ELMO1: variants seen among roughly 807,000 people sequenced by gnomAD.
ELMO1 encodes the protein engulfment and cell motility protein 1.
Under a neutral mutation model 98.9 loss-of-function variants are expected in ELMO1, and 26 were observed. The ratio of observed to expected loss-of-function variants is 0.26; its 90% confidence interval spans 0.19 to 0.36. The LOEUF is 0.36. Ranked by LOEUF, ELMO1 falls within the 10% of genes least tolerant of loss-of-function variation. The pLI, the probability that ELMO1 is intolerant of heterozygous loss-of-function variation, is 1.00. For missense variants in ELMO1, 627 were observed against 935.2 expected (o/e 0.67, Z 4.30); for synonymous variants, 346 against 346.0 (o/e 1.00, Z 0.00).
chr7:37,080,624 T>TTG (rs60662134), intron 15 of ELMO1, among the ~76,000 whole-genome samples: 64 of 144,944 alleles, frequency 4.4e-4, no homozygotes, highest in African/African-American at 1.5e-3. Flanking sequence ...TTTTTTTTTT[T>TTG]GTATTTTTAG....
At chr7:37,067,937 G>A (rs970909134) in intron 15 of ELMO1, among the ~76,000 whole-genome samples, 5 of 152,078 alleles carry the variant, frequency 3.3e-5, no homozygotes, top group African/African-American at 1.2e-4. Flanking sequence ...AAAACAGTTC[G>A]AACTCTGCTT....
chr7:37,052,668 A>G lies in ELMO1; in HGVS notation c.1301-39233T>C, dbSNP rs370033208. 3.9e-5 allele frequency among the ~76,000 whole-genome samples: 6 copies of G among 152,318 alleles called. 1 individual carries two copies. In the South Asian group the frequency reaches 1.0e-3, roughly 26 times the overall value. ...AAATCTCAAACCTCTTGCATAACTC[A>G]TCTTTCTTGAGAGAGAGGTCACTGA... is the stretch of plus-strand genomic sequence containing the variant. On this transcript the variant is annotated intron_variant, in intron 15 of 21. Coordinates refer to ENST00000310758, the MANE Select transcript of ELMO1 (RefSeq NM_014800.11).
chr7:37,427,368 T>C (rs1804752696), intron 1 of ELMO1, among the ~76,000 whole-genome samples: 1 of 152,244 alleles, frequency 6.6e-6, no homozygotes, highest in African/African-American at 2.4e-5. Context: ...GAAAAACACT[T>C]GCTTTAGAAC....
Position 37,044,955 on chromosome 7 carries a change from A to G in ELMO1, c.1301-31520T>C, listed in dbSNP as rs141958388. On this transcript the variant is annotated intron_variant, in intron 15 of 21. Transcript: ENST00000310758. ...TTAATTTCCACGCTAGGTGTTGCCT[A>G]TGTTTTGCTTAGATAAAGTGGCTAT... Among the ~76,000 whole-genome samples, 345 of 152,274 alleles carry G rather than the reference A, an allele frequency of 2.3e-3. 4 individuals are homozygous for G. Among genetic ancestry groups the G allele is most frequent in the African/African-American group, 8.0e-3 (333 of 41,538 alleles).
chr7:36,903,514 CT>C (rs1428478942), intron 16 of ELMO1, among the ~76,000 whole-genome samples: 1 of 152,184 alleles, frequency 6.6e-6, no homozygotes, highest in East Asian at 1.9e-4. Context: ...AAGAAATAGC[CT>C]CTAAAATCAG....
intron 14 of ELMO1, among the ~76,000 whole-genome samples, chr7:37,099,548 C>G (rs964179646): frequency 6.6e-6 from 1 of 152,088 alleles, no homozygotes; most frequent in East Asian, 1.9e-4. Flanking sequence ...AAATGAAGTA[C>G]TAAAAGGTGC....
intron 13 of ELMO1, among the ~76,000 whole-genome samples, chr7:37,207,151 T>C (rs1584809009): frequency 6.6e-6 from 1 of 152,220 alleles, no homozygotes; most frequent in East Asian, 1.9e-4. Flanking sequence ...CAACTTTGTA[T>C]ACAGCATTTC....
chr7:37,244,443 T>C, intron 6 of ELMO1, 52 bp from the exon 7 acceptor site: 2 of 1,581,892 alleles, frequency 1.3e-6, no homozygotes, highest in South Asian at 2.3e-5. Flanking sequence ...AGCAACAATT[T>C]TTACACAAAG....
chr7:37,020,850 G>T (rs1185447203), intron 15 of ELMO1, among the ~76,000 whole-genome samples: 1 of 152,164 alleles, frequency 6.6e-6, no homozygotes, highest in East Asian at 1.9e-4. Flanking sequence ...CAGGAAAAAT[G>T]GAATATATCA....
intron 12 of ELMO1, among the ~76,000 whole-genome samples, chr7:37,212,686 C>T (rs1793045117): frequency 6.6e-6 from 1 of 152,186 alleles, no homozygotes; most frequent in South Asian, 2.1e-4. Flanking sequence ...CCCTCACGTG[C>T]CAATAATGAG....
chr7:37,246,079 A>G (rs1352691320), intron 6 of ELMO1, among the ~76,000 whole-genome samples: 2 of 152,166 alleles, frequency 1.3e-5, no homozygotes, highest in Non-Finnish European at 2.9e-5. Flanking sequence ...TAAAGAACCA[A>G]CATGAGGTCA....
At chr7:36,913,919 C>T (rs1423444108) in intron 16 of ELMO1, among the ~76,000 whole-genome samples, 1 of 152,208 alleles carries the variant, frequency 6.6e-6, no homozygotes, top group Non-Finnish European at 1.5e-5. Context: ...AGTTTTAAAA[C>T]TCCATGTCCC....
intron 21 of ELMO1, among the ~76,000 whole-genome samples, 157 bp downstream of exon 21, chr7:36,861,502 T>C (rs1158691396): frequency 6.6e-6 from 1 of 152,028 alleles, no homozygotes; most frequent in Non-Finnish European, 1.5e-5. Context: ...AACGGGCAGT[T>C]TGTCAAGAGG....
In ELMO1 at chr7:36,854,242, C is replaced by T. The variant is rs1441925639; in HGVS notation, c.*1309G>A. On this transcript the variant is annotated 3_prime_UTR_variant, in exon 22 of 22. Transcript: ENST00000310758. The stretch of plus-strand genomic sequence containing the variant: ...TCAAACCAATGTACATAAACATCAC[C>T]CAATTCAGCAGGTCTAGGGTGGAGC... 1 of 151,992 alleles carries T rather than the reference C, an allele frequency of 6.6e-6. No individual in the cohort carries two copies. Among genetic ancestry groups the T allele is most frequent in the Non-Finnish European group, 1.5e-5 (1 of 68,004 alleles). 9.4% of individuals were successfully genotyped at this position (151,992 alleles called of 1,614,324 possible). A position where few individuals can be genotyped will look rare whatever the true frequency, so the allele number is the denominator to read the frequency against.
At chr7:37,421,064 A>G (rs191446415) in intron 1 of ELMO1, among the ~76,000 whole-genome samples, 1 of 152,340 alleles carries the variant, frequency 6.6e-6, no homozygotes, top group Admixed American at 6.5e-5. Flanking sequence ...TCTTAAAAGC[A>G]CACTCTGAGC....
At chr7:37,006,150 C>CT (rs1421495479) in intron 16 of ELMO1, among the ~76,000 whole-genome samples, 1 of 152,208 alleles carries the variant, frequency 6.6e-6, no homozygotes, top group Non-Finnish European at 1.5e-5. Flanking sequence ...AAAATCCCCT[C>CT]TGTGGCCAAA....
chr7:36,877,923 G>A, intron 19 of ELMO1, 87 bp downstream of exon 19: 1 of 1,030,860 alleles, frequency 9.7e-7, no homozygotes. Context: ...GGCTTACTTA[G>A]GCTGATAGTT....
In ELMO1 at chr7:37,346,115, G is replaced by A. The variant is rs117910632; in HGVS notation, c.-73-3352C>T. On this transcript the variant is annotated intron_variant, in intron 1 of 21. Transcript: ENST00000310758. ...CCCAAGGCAGGAGCATGCCTGTTATGTTCCTGAAACAGGTGACTTGCTGAA... is the reference window on the plus strand; with the variant it reads ...CCCAAGGCAGGAGCATGCCTGTTATATTCCTGAAACAGGTGACTTGCTGAA... 6.3e-3 allele frequency among the ~76,000 whole-genome samples: 955 copies of A among 152,204 alleles called. 6 individuals are homozygous for A. Among genetic ancestry groups the A allele is most frequent in the Non-Finnish European group, 0.01 (710 of 68,006 alleles).
At chr7:36,938,067 C>T (rs1003494990) in intron 16 of ELMO1, among the ~76,000 whole-genome samples, 1 of 152,208 alleles carries the variant, frequency 6.6e-6, no homozygotes. Flanking sequence ...ATCCTCCATC[C>T]TTTTTCTAAA....
Sources: allele counts gnomAD v4.1 joint callset (sites outside exome capture counted in the v4.1 genomes callset), GRCh38; gene constraint gnomAD v4.1.1; transcripts MANE v1.5; gene names NCBI Gene and HGNC (gene_info 2026-07-23, HGNC 2026-07-21).